The following SYN3 variants were observed in gnomAD, a reference collection of about 807,000 sequenced individuals.
The protein encoded by SYN3 is synapsin III, also known as synapsin-3.
SYN3 carries 35 observed loss-of-function variants against 65.8 expected under a neutral mutation model. The ratio of observed to expected loss-of-function variants is 0.53; its 90% CI spans 0.41 to 0.70. SYN3 has a LOEUF of 0.70. Ranked by LOEUF, SYN3 falls within the 30% of genes least tolerant of loss-of-function variation. SYN3 has a pLI of 0.00. For synonymous variants in SYN3, 270 were observed against 292.9 expected (o/e 0.92, Z 0.80); for missense variants, 680 against 749.0 (o/e 0.91, Z 1.08).
chr22:32,657,697 C>T (rs1341687566), intron 6 of SYN3, among the ~76,000 whole-genome samples: 1 of 152,156 alleles, frequency 6.6e-6, no homozygotes, highest in Non-Finnish European at 1.5e-5. Flanking sequence ...TCAAAGGACA[C>T]AGCAGTCATG....
intron 6 of SYN3, among the ~76,000 whole-genome samples, chr22:32,822,228 G>A (rs1376822530): frequency 1.3e-5 from 2 of 151,698 alleles, no homozygotes; most frequent in Non-Finnish European, 2.9e-5. Flanking sequence ...CTCCGAGGCT[G>A]GCTCCTGTGC....
chr22:32,731,720 TC>T (rs1435202984), intron 6 of SYN3, among the ~76,000 whole-genome samples: 16 of 152,176 alleles, frequency 1.1e-4, no homozygotes, highest in Non-Finnish European at 2.2e-4. Context: ...GGCTAAATCC[TC>T]CACGGTTAAT....
At chr22:32,794,796 T>C (rs2046393421) in intron 6 of SYN3, among the ~76,000 whole-genome samples, 1 of 152,136 alleles carries the variant, frequency 6.6e-6, no homozygotes, top group Admixed American at 6.6e-5. Context: ...CCGGAAAATA[T>C]TCACTAAGTG....
intron 6 of SYN3, among the ~76,000 whole-genome samples, chr22:32,672,446 G>A (rs1390851009): frequency 6.6e-6 from 1 of 152,230 alleles, no homozygotes; most frequent in Non-Finnish European, 1.5e-5. Context: ...GTGTGGGGCT[G>A]CAGAGAAATG....
intron 6 of SYN3, among the ~76,000 whole-genome samples, chr22:32,643,374 C>A (rs911269332): frequency 6.6e-6 from 1 of 151,976 alleles, no homozygotes; most frequent in Non-Finnish European, 1.5e-5. Context: ...CACTGCGCCC[C>A]ACCAAGGGGG....
intron 6 of SYN3, among the ~76,000 whole-genome samples, chr22:32,658,024 A>G (rs1308830330): frequency 2.6e-5 from 4 of 152,170 alleles, no homozygotes; most frequent in Non-Finnish European, 5.9e-5. Flanking sequence ...TGATGAGTGG[A>G]TGAAGGTAGC....
intron 6 of SYN3, among the ~76,000 whole-genome samples, chr22:32,796,559 G>A (rs1029573070): frequency 7.2e-5 from 11 of 152,134 alleles, no homozygotes; most frequent in East Asian, 1.9e-4. Flanking sequence ...GCAGTACCTC[G>A]CATCTTAGGC....
At chr22:32,715,202 C>G (rs1193636064) in intron 6 of SYN3, among the ~76,000 whole-genome samples, 3 of 152,188 alleles carry the variant, frequency 2.0e-5, no homozygotes, top group African/African-American at 7.2e-5. Context: ...ATCACCCTGG[C>G]CAAGTCCAAA....
chr22:32,823,274 C>G (rs570050465), intron 6 of SYN3, among the ~76,000 whole-genome samples: 1 of 152,128 alleles, frequency 6.6e-6, no homozygotes, highest in African/African-American at 2.4e-5. Context: ...ATTGCTCTTA[C>G]GGACCTGACG....
chr22:32,830,335 A>G (rs1431907988), intron 6 of SYN3, among the ~76,000 whole-genome samples: 2 of 152,142 alleles, frequency 1.3e-5, no homozygotes, highest in Non-Finnish European at 2.9e-5. Flanking sequence ...TGCCTGCAAC[A>G]TCCTATGAGC....
At chr22:32,662,670 A>G (rs998878412) in intron 6 of SYN3, among the ~76,000 whole-genome samples, 1 of 152,228 alleles carries the variant, frequency 6.6e-6, no homozygotes, top group East Asian at 1.9e-4. Context: ...GAGTTAATAC[A>G]ATAGCATTAA....
intron 6 of SYN3, among the ~76,000 whole-genome samples, chr22:32,791,539 T>C (rs1204574740): frequency 6.6e-6 from 1 of 151,672 alleles, no homozygotes; most frequent in Non-Finnish European, 1.5e-5. Flanking sequence ...GAAAGACCCA[T>C]CTGGTTTCAG....
chr22:32,542,071 G>C (rs181078272), intron 7 of SYN3, among the ~76,000 whole-genome samples: 39 of 152,338 alleles, frequency 2.6e-4, no homozygotes, highest in African/African-American at 8.9e-4. Flanking sequence ...TCGCTGATGG[G>C]GGATGCGGCA....
chr22:33,053,706 T>C (rs939915635), intron 1 of SYN3, among the ~76,000 whole-genome samples: 7 of 152,112 alleles, frequency 4.6e-5, no homozygotes, highest in Non-Finnish European at 7.4e-5. Flanking sequence ...AACATCACTA[T>C]CTCTTGGAAG....
At position 32,513,559 on chromosome 22, in the gene SYN3, G is replaced by A; in HGVS notation, c.*133C>T. On this transcript the variant is annotated 3_prime_UTR_variant, in exon 14 of 14. Coordinates refer to ENST00000358763, the MANE Select transcript of SYN3 (RefSeq NM_003490.4). ...ACAAATATAGATAATCGGTTCCTGG[G>A]TCAAAGGCATTTAGAAAGTATGTTC... is the stretch of plus-strand genomic sequence containing the variant. 1 of 1,211,788 alleles carries A rather than the reference G, an allele frequency of 8.3e-7. No homozygotes were observed. Among genetic ancestry groups the A allele is most frequent in the East Asian group, 2.4e-5 (1 of 42,230 alleles). The allele number at this position is 1,211,788 out of a possible 1,614,324, so 75.1% of individuals were successfully genotyped here. A position where few individuals can be genotyped will look rare whatever the true frequency, so the allele number is the denominator to read the frequency against.
chr22:32,886,458 G>A (rs1455355209), intron 4 of SYN3, among the ~76,000 whole-genome samples: 2 of 152,170 alleles, frequency 1.3e-5, no homozygotes, highest in Non-Finnish European at 2.9e-5. Context: ...GACACGTTTT[G>A]AGCTTCAGTT....
intron 1 of SYN3, among the ~76,000 whole-genome samples, chr22:33,007,853 T>C (rs571615750): frequency 1.2e-4 from 18 of 152,362 alleles, no homozygotes; most frequent in African/African-American, 4.1e-4. Context: ...ACACTGTTCA[T>C]TTGAGATCAA....
intron 6 of SYN3, among the ~76,000 whole-genome samples, chr22:32,685,091 C>G (rs1444767343): frequency 6.6e-6 from 1 of 152,132 alleles, no homozygotes; most frequent in Non-Finnish European, 1.5e-5. Context: ...AGCCAGGTGA[C>G]AGACTTTATG....
chr22:32,838,167 A>G (rs2047789138), intron 6 of SYN3, among the ~76,000 whole-genome samples: 1 of 152,218 alleles, frequency 6.6e-6, no homozygotes, highest in African/African-American at 2.4e-5. Flanking sequence ...AAGACATGGC[A>G]CAGGATCTGA....
Sources: gnomAD v4.1 joint callset for allele counts (sites outside exome capture counted in the v4.1 genomes callset) on GRCh38, gnomAD v4.1.1 for gene constraint, MANE v1.5 for transcripts, NCBI Gene and HGNC (gene_info 2026-07-23, HGNC 2026-07-21) for gene names.